Variants in TET2 observed in about 807,000 individuals in gnomAD.
The protein encoded by TET2 is methylcytosine dioxygenase TET2.
In TET2, 299 loss-of-function variants were observed where a neutral mutation model predicts 142.9. The observed-to-expected ratio is 2.09, with a 90% CI of 1.90 to 2.30. The LOEUF (loss-of-function observed/expected upper bound fraction) is 2.30. TET2 is among the 30% of genes most tolerant of loss of function. The pLI is 0.00. For missense variants in TET2, 2,418 were observed against 2,378.0 expected, an observed-to-expected ratio of 1.02 and a Z score of -0.35; for synonymous variants, 819 against 849.0, an observed-to-expected ratio of 0.96 and a Z score of 0.61.
At chr4:105,192,645 TA>T (rs1329256651) in intron 2 of TET2, among the ~76,000 whole-genome samples, 1 of 152,212 alleles carries the variant, frequency 6.6e-6, no homozygotes, top group Non-Finnish European at 1.5e-5. Context: ...ACCTGCCAAA[TA>T]CCAGGCACTC....
chr4:105,260,961 T>C (rs2110287041), intron 7 of TET2, among the ~76,000 whole-genome samples: 1 of 152,176 alleles, frequency 6.6e-6, no homozygotes, highest in South Asian at 2.1e-4. Flanking sequence ...GTAAACCAAA[T>C]CCAGAGGATA....
chr4:105,226,873 A>C (rs1728224323), intron 2 of TET2, among the ~76,000 whole-genome samples: 1 of 152,156 alleles, frequency 6.6e-6, no homozygotes, highest in African/African-American at 2.4e-5. Context: ...CATACCTTTC[A>C]AAAGGTTAAA....
intron 1 of TET2, among the ~76,000 whole-genome samples, chr4:105,153,721 G>GA (rs1723426872): frequency 6.6e-6 from 1 of 152,180 alleles, no homozygotes; most frequent in Non-Finnish European, 1.5e-5. Flanking sequence ...TGTCTCTAGT[G>GA]CCAAATCTTT....
At chr4:105,177,278 C>G in intron 1 of TET2, among the ~76,000 whole-genome samples, 1 of 152,206 alleles carries the variant, frequency 6.6e-6, no homozygotes, top group East Asian at 1.9e-4. Context: ...GATTGACAAG[C>G]TGGACTTAAC....
At chr4:105,267,509 C>T (rs1426847196) in intron 8 of TET2, among the ~76,000 whole-genome samples, 3 of 143,058 alleles carry the variant, frequency 2.1e-5, no homozygotes, top group Non-Finnish European at 3.0e-5. Flanking sequence ...AACTGTGAGA[C>T]GTTAGAGTAC....
At chr4:105,227,032 G>T (rs939699912) in intron 2 of TET2, among the ~76,000 whole-genome samples, 1 of 152,088 alleles carries the variant, frequency 6.6e-6, no homozygotes. Flanking sequence ...TTAATATTTT[G>T]GTAGCTCTAA....
chr4:105,262,865 G>A (rs1201102836), intron 8 of TET2, among the ~76,000 whole-genome samples: 3 of 149,072 alleles, frequency 2.0e-5, no homozygotes, highest in African/African-American at 5.0e-5. Flanking sequence ...TAGGCAACAA[G>A]AGCGAAACTC....
At chr4:105,261,917 T>C in intron 8 of TET2, 69 bp downstream of exon 8, 1 of 904,444 alleles carries the variant, frequency 1.1e-6, no homozygotes. Flanking sequence ...TGTCCAAAAA[T>C]ATTTTTGAAA....
intron 2 of TET2, among the ~76,000 whole-genome samples, chr4:105,224,034 A>G (rs1728021369): frequency 6.6e-6 from 1 of 152,118 alleles, no homozygotes; most frequent in South Asian, 2.1e-4. Flanking sequence ...ATAATTTACT[A>G]CCTTATAGTA....
Position 105,235,094 on chromosome 4 carries a change from C to T in TET2, c.1152C>T (p.Ser384=), listed in dbSNP as rs1194056200. The change falls in exon 3 of 11, where the codon AGC becomes AGT. Residue 384 remains serine, a synonymous_variant. Transcript: ENST00000380013. ...NEMNGAYFKQ[S]SVFTKDSFSA... Reference sequence around the variant, plus strand: ...TGAATGGTGCTTACTTCAAGCAAAGCTCAGTGTTCACTAAGGATTCCTTTT... The same window carrying T: ...TGAATGGTGCTTACTTCAAGCAAAGTTCAGTGTTCACTAAGGATTCCTTTT... The T allele has an allele frequency of 6.2e-7, 1 of 1,614,046 alleles. No individual in the cohort carries two copies. The highest frequency in any genetic ancestry group is 8.5e-7 in the Non-Finnish European group (1 of 1,179,992).
intron 2 of TET2, among the ~76,000 whole-genome samples, chr4:105,209,725 T>G (rs989900922): frequency 2.6e-5 from 4 of 152,162 alleles, no homozygotes; most frequent in Non-Finnish European, 5.9e-5. Flanking sequence ...ATGTTGTAGG[T>G]AGCCATGAAA....
rs765001214 is a variant in TET2 at position 105,275,411 on chromosome 4, A to G, written c.4901A>G (p.Asn1634Ser). ...QNTQYPSYQC[N>S]GNLSVDNCSP... ...ACCCAATATCCATCATATCAATGCA[A>G]TGGAAACCTATCAGTGGACAACTGC... The change falls in exon 11 of 11, where the codon AAT becomes AGT. Residue 1634 changes from asparagine to serine, a missense_variant. Coordinates refer to ENST00000380013, the MANE Select transcript of TET2 (RefSeq NM_001127208.3). The G allele has an allele frequency of 1.9e-6, 3 of 1,551,512 alleles. No homozygotes were observed. The highest frequency in any genetic ancestry group is 1.2e-5 in the South Asian group (1 of 84,064).
Position 105,234,862 on chromosome 4 carries a change from T to G in TET2, c.920T>G (p.Leu307Arg), listed in dbSNP as rs145125867. 185 of 1,613,964 alleles carry G rather than the reference T, an allele frequency of 1.1e-4. No individual in the cohort carries two copies. The highest frequency in any genetic ancestry group is 1.5e-4 in the Non-Finnish European group (175 of 1,180,016). ...DADDADNASK[L>R]AAMLNTCSFQ... is the part of the protein sequence containing the mutation. Reference sequence around the variant, plus strand: ...GATGATGCTGATAATGCCAGTAAACTAGCTGCAATGCTAAATACCTGTTCC... The same window carrying G: ...GATGATGCTGATAATGCCAGTAAACGAGCTGCAATGCTAAATACCTGTTCC... The change falls in exon 3 of 11, where the codon CTA (leucine) becomes CGA (arginine). Residue 307 changes from leucine (L) to arginine (R), a missense_variant. Physicochemically the swap from Leu to Arg is moderately radical, Grantham distance 102. Transcript: ENST00000380013.
At chr4:105,197,068 T>C (rs1023908119) in intron 2 of TET2, among the ~76,000 whole-genome samples, 1 of 152,196 alleles carries the variant, frequency 6.6e-6, no homozygotes, top group Non-Finnish European at 1.5e-5. Flanking sequence ...ATATCGGAGC[T>C]TGAACCTCAG....
intron 1 of TET2, among the ~76,000 whole-genome samples, chr4:105,159,857 A>C (rs1031233313): frequency 4.6e-5 from 7 of 152,176 alleles, no homozygotes; most frequent in Admixed American, 1.3e-4. Flanking sequence ...TACAAAAATT[A>C]GCTGGGCGTG....
chr4:105,242,437 T>C, intron 4 of TET2: 1 of 1,097,458 alleles, frequency 9.1e-7, no homozygotes. Flanking sequence ...GAGGAACAGT[T>C]CTAACTAAAA....
rs376010118 is a variant in TET2, at chr4:105,278,452, A to T, written c.*1933A>T. ...TTCAATACTTGATTTCTTAGCAAGT[A>T]TAACTTGAACTTCAACCTTTTTGTT... On this transcript the variant is annotated 3_prime_UTR_variant, in exon 11 of 11. Transcript: ENST00000380013. 3 of 222,602 alleles carry T rather than the reference A, an allele frequency of 1.3e-5. No individual in the cohort carries two copies. Among genetic ancestry groups the T allele is most frequent in the African/African-American group, 6.7e-5 (3 of 44,772 alleles). 13.8% of individuals were successfully genotyped at this position (222,602 alleles called of 1,614,324 possible). A position where few individuals can be genotyped will look rare whatever the true frequency, so the allele number is the denominator to read the frequency against.
Position 105,236,451 on chromosome 4 carries a change from AAT to A in TET2, c.2511_2512del (p.His839ProfsTer6), listed in dbSNP as rs762007395. The A allele has an allele frequency of 6.2e-7, 1 of 1,614,118 alleles. No homozygotes were observed. The highest frequency in any genetic ancestry group is 8.5e-7 in the Non-Finnish European group (1 of 1,179,990). On this transcript the variant is annotated frameshift_variant, in exon 3 of 11. Transcript: ENST00000380013. LOFTEE classifies it high-confidence loss of function. Reference sequence around the variant, plus strand: ...CAAAATACAGGTTTCTTGTTCAAACAATACACACCTAGTTTCAGAGAATAAAG... The same window carrying A: ...CAAAATACAGGTTTCTTGTTCAAACAACACACCTAGTTTCAGAGAATAAAG... ...ACKIQVSCSNNTHLVSENKEQ... is the reference protein window; with the variant it reads ...ACKIQVSCSNXTHLVSENKEQ...
chr4:105,259,549 C>A (rs1450099594), intron 6 of TET2, 70 bp from the exon 7 acceptor site: 2 of 1,435,522 alleles, frequency 1.4e-6, no homozygotes, highest in Admixed American at 2.3e-5. Flanking sequence ...CATATAGACA[C>A]CTATAATATC....
Sources: allele counts gnomAD v4.1 joint callset (sites outside exome capture counted in the v4.1 genomes callset), GRCh38; gene constraint gnomAD v4.1.1; transcripts MANE v1.5; gene names NCBI Gene and HGNC (gene_info 2026-07-23, HGNC 2026-07-21).